Variants in GLI2 observed in about 807,000 individuals in gnomAD.
GLI2 encodes transcription activator GLI2.
In GLI2, 22 loss-of-function variants were observed where a neutral mutation model predicts 78.9. The observed-to-expected ratio is 0.28, with a 90% CI of 0.20 to 0.40. The LOEUF is 0.40. GLI2 is among the 10% of genes least tolerant of loss of function. The probability of loss-of-function intolerance (pLI) is 1.00; values close to 1 mark genes in which losing one functional copy is unlikely to be tolerated. For synonymous variants in GLI2, 974 were observed against 963.7 expected (o/e 1.01, Z -0.20); for missense variants, 2,097 against 2,213.2 (o/e 0.95, Z 1.05).
chr2:120,765,246 A>G (rs1426714908), intron 1 of GLI2, among the ~76,000 whole-genome samples: 1 of 152,174 alleles, frequency 6.6e-6, no homozygotes, highest in South Asian at 2.1e-4. Flanking sequence ...CCCTGAGCCC[A>G]GTCCAGTCCT....
intron 5 of GLI2, among the ~76,000 whole-genome samples, chr2:120,967,334 C>T (rs1681907562): frequency 6.6e-6 from 1 of 152,244 alleles, no homozygotes; most frequent in Non-Finnish European, 1.5e-5. Context: ...CCCTGGTGGT[C>T]AGCACTATTA....
At chr2:120,783,611 G>T (rs1683910362) in intron 1 of GLI2, among the ~76,000 whole-genome samples, 1 of 152,038 alleles carries the variant, frequency 6.6e-6, no homozygotes, top group South Asian at 2.1e-4. Flanking sequence ...GTCATGCCAA[G>T]AAACCACGAA....
At chr2:120,914,824 G>T (rs1430102047) in intron 2 of GLI2, among the ~76,000 whole-genome samples, 1 of 152,226 alleles carries the variant, frequency 6.6e-6, no homozygotes, top group Non-Finnish European at 1.5e-5. Context: ...TACAGATAAG[G>T]ACACCGAGGC....
intron 2 of GLI2, among the ~76,000 whole-genome samples, chr2:120,804,690 A>G (rs1684862549): frequency 6.6e-6 from 1 of 152,240 alleles, no homozygotes; most frequent in South Asian, 2.1e-4. Context: ...CATCCAGAAC[A>G]ACCAGTTCCC....
intron 9 of GLI2, among the ~76,000 whole-genome samples, 153 bp downstream of exon 9, chr2:120,975,262 A>G (rs1324811826): frequency 6.6e-6 from 1 of 152,252 alleles, no homozygotes; most frequent in Non-Finnish European, 1.5e-5. Context: ...GGGAGGCATA[A>G]TTACTTATGT....
At chr2:120,951,469 A>T in intron 4 of GLI2, 24 bp downstream of exon 4, 1 of 1,474,430 alleles carries the variant, frequency 6.8e-7, no homozygotes, top group Non-Finnish European at 9.4e-7. Context: ...GGGGATGGGG[A>T]GGGGCAGCTA....
Position 120,982,657 on chromosome 2 carries a change from G to A in GLI2, c.1468-59G>A. 4.7e-6 allele frequency: 7 copies of A among 1,487,326 alleles called. No homozygotes were observed. In the South Asian group the frequency reaches 7.3e-5, roughly 16 times the overall value. 92.1% of individuals were successfully genotyped at this position (1,487,326 alleles called of 1,614,324 possible). On this transcript the variant is annotated intron_variant, in intron 10 of 13. Transcript: ENST00000361492. ...AGAAGGGGGTGGGGAGGAAGCAGCA[G>A]CCGGCCTCAAGGTTGGGCCCCCTGG...
chr2:120,975,088 C>T lies in GLI2; in HGVS notation c.1296C>T (p.Asp432=), dbSNP rs1422849194. 5 of 1,613,856 alleles carry T rather than the reference C, an allele frequency of 3.1e-6. 1 individual carries two copies. In the African/African-American group the frequency reaches 4.0e-5, roughly 13 times the overall value. Reference sequence around the variant, plus strand: ...GGGAAGACTGCACCAAGGAGTACGACACCCAGGAGCAGCTGGTGCATGTAA... The same window carrying T: ...GGGAAGACTGCACCAAGGAGTACGATACCCAGGAGCAGCTGGTGCATGTAA... ...CHWEDCTKEY[D]TQEQLVHHIN... is the part of the protein sequence containing the mutation. The change falls in exon 9 of 14, where the codon GAC becomes GAT. Residue 432 remains aspartate, a synonymous_variant. Coordinates refer to ENST00000361492, the MANE Select transcript of GLI2 (RefSeq NM_001374353.1).
intron 5 of GLI2, among the ~76,000 whole-genome samples, chr2:120,961,585 G>A (rs1474895012): frequency 6.6e-6 from 1 of 152,170 alleles, no homozygotes; most frequent in East Asian, 1.9e-4. Flanking sequence ...CGTGGTCCTG[G>A]CAACTCTGAG....
chr2:120,738,746 A>G (rs1043898417), intron 1 of GLI2, among the ~76,000 whole-genome samples: 10 of 152,222 alleles, frequency 6.6e-5, no homozygotes, highest in African/African-American at 2.4e-4. Flanking sequence ...TAAGACTGCT[A>G]GAGATGGTTT....
chr2:120,738,874 G>A (rs767995802), intron 1 of GLI2, among the ~76,000 whole-genome samples: 2 of 152,174 alleles, frequency 1.3e-5, no homozygotes, highest in East Asian at 1.9e-4. Flanking sequence ...CTCTTGACTC[G>A]TGGCTTCCTT....
chr2:120,980,358 T>G (rs11894647), intron 10 of GLI2, among the ~76,000 whole-genome samples: 3,756 of 152,314 alleles, frequency 0.025, 170 homozygotes, highest in African/African-American at 0.086. Context: ...TTTATTGTGT[T>G]TTTGATTAGC....
At chr2:120,741,208 C>A (rs1682528446) in intron 1 of GLI2, among the ~76,000 whole-genome samples, 1 of 152,168 alleles carries the variant, frequency 6.6e-6, no homozygotes, top group Admixed American at 6.5e-5. Flanking sequence ...TTAAGCAAAG[C>A]CCCTGATGTG....
intron 2 of GLI2, among the ~76,000 whole-genome samples, chr2:120,901,432 C>T (rs773077811): frequency 3.9e-5 from 6 of 152,182 alleles, no homozygotes; most frequent in East Asian, 3.9e-4. Context: ...TCTGTTTGGC[C>T]GGCCCATATG....
At chr2:120,771,014 A>AT (rs1683504810) in intron 1 of GLI2, among the ~76,000 whole-genome samples, 1 of 152,124 alleles carries the variant, frequency 6.6e-6, no homozygotes, top group Admixed American at 6.5e-5. Context: ...AGGAATCTGC[A>AT]TTTTGTCTGG....
At chr2:120,851,707 G>T (rs545678207) in intron 2 of GLI2, among the ~76,000 whole-genome samples, 1 of 152,344 alleles carries the variant, frequency 6.6e-6, no homozygotes, top group African/African-American at 2.4e-5. Context: ...CAGGCAGTGG[G>T]CTTGGGCTAA....
At chr2:120,907,879 T>G (rs1254980155) in intron 2 of GLI2, among the ~76,000 whole-genome samples, 1 of 152,218 alleles carries the variant, frequency 6.6e-6, no homozygotes, top group East Asian at 1.9e-4. Flanking sequence ...TGTGGTACAC[T>G]GAGTGCTTCC....
intron 1 of GLI2, among the ~76,000 whole-genome samples, chr2:120,765,672 G>A (rs1231800356): frequency 6.6e-6 from 1 of 152,220 alleles, no homozygotes; most frequent in African/African-American, 2.4e-5. Flanking sequence ...GACCCGTTAG[G>A]GCAGGTCTGG....
chr2:120,882,312 A>G (rs1322697391), intron 2 of GLI2, among the ~76,000 whole-genome samples: 4 of 152,136 alleles, frequency 2.6e-5, no homozygotes. Flanking sequence ...ACAGGGAAGG[A>G]GTGAAGGTGG....
Sources: allele counts gnomAD v4.1 joint callset (sites outside exome capture counted in the v4.1 genomes callset), GRCh38; gene constraint gnomAD v4.1.1; transcripts MANE v1.5; gene names NCBI Gene and HGNC (gene_info 2026-07-23, HGNC 2026-07-21).